The following SEMA3D variants were observed in gnomAD, a reference collection of about 807,000 sequenced individuals.
SEMA3D encodes semaphorin-3D.
Under a neutral mutation model 100.1 loss-of-function variants are expected in SEMA3D, and 84 were observed. The observed-to-expected ratio is 0.84, with a 90% confidence interval of 0.70 to 1.01. The LOEUF is 1.01. Ranked by LOEUF, SEMA3D falls within the 50% of genes least tolerant of loss-of-function variation. SEMA3D has a pLI of 0.00. For missense variants in SEMA3D, 875 were observed against 934.1 expected (o/e 0.94, Z 0.82); for synonymous variants, 312 against 320.7 (o/e 0.97, Z 0.29).
At chr7:85,147,421 A>G (rs1275327374) in intron 2 of SEMA3D, among the ~76,000 whole-genome samples, 4 of 152,138 alleles carry the variant, frequency 2.6e-5, no homozygotes, top group African/African-American at 7.2e-5. Flanking sequence ...AAGTGCTGGG[A>G]TTACAGGCTT....
intron 1 of SEMA3D, chr7:85,167,438 A>G (rs1790936889): frequency 2.1e-6 from 2 of 953,938 alleles, no homozygotes; most frequent in African/African-American, 1.8e-5. Flanking sequence ...GATATAATTT[A>G]CTGTGAAGCT....
At chr7:85,141,970 TA>T (rs1416392981) in intron 2 of SEMA3D, 7 of 982,136 alleles carry the variant, frequency 7.1e-6, no homozygotes, top group Non-Finnish European at 8.5e-6. Flanking sequence ...GAAAAAGAGT[TA>T]AAAAATGCAT....
At chr7:85,076,370 A>ATAT (rs917405524) in intron 5 of SEMA3D, among the ~76,000 whole-genome samples, 2 of 152,232 alleles carry the variant, frequency 1.3e-5, no homozygotes, top group African/African-American at 4.8e-5. Context: ...ATTCATACAT[A>ATAT]TATAAATAAC....
chr7:85,108,760 A>G (rs532997222), intron 3 of SEMA3D, among the ~76,000 whole-genome samples: 1 of 151,978 alleles, frequency 6.6e-6, no homozygotes, highest in East Asian at 1.9e-4. Context: ...TGGCCACAGT[A>G]TTTTTTTCTG....
At chr7:85,250,207 G>C in the SEMA3D span, among the ~76,000 whole-genome samples, 1 of 150,834 alleles carries the variant, frequency 6.6e-6, no homozygotes, top group Non-Finnish European at 1.5e-5. Flanking sequence ...CACCTGGCTC[G>C]GAGGGTCCTA....
intron 3 of SEMA3D, among the ~76,000 whole-genome samples, chr7:85,110,756 T>A (rs1303541290): frequency 6.6e-6 from 1 of 152,080 alleles, no homozygotes; most frequent in African/African-American, 2.4e-5. Flanking sequence ...AATATGCTGT[T>A]ATTTCTTGCA....
intron 1 of SEMA3D, among the ~76,000 whole-genome samples, chr7:85,180,304 A>C (rs1177959420): frequency 6.6e-6 from 1 of 152,128 alleles, no homozygotes; most frequent in Non-Finnish European, 1.5e-5. Flanking sequence ...TGCCATGTGA[A>C]GAAGGACATG....
chr7:85,015,962 T>C (rs1388940386), intron 15 of SEMA3D, among the ~76,000 whole-genome samples: 1 of 151,650 alleles, frequency 6.6e-6, no homozygotes, highest in Non-Finnish European at 1.5e-5. Context: ...CATGGTCCAC[T>C]CTAGTGGACC....
chr7:85,144,437 C>T (rs1201354963), intron 2 of SEMA3D: 1 of 976,680 alleles, frequency 1.0e-6, no homozygotes, highest in African/African-American at 1.8e-5. Flanking sequence ...TACCCACACA[C>T]TTCATCCTCT....
upstream of SEMA3D, among the ~76,000 whole-genome samples, chr7:85,187,413 C>G (rs755238249): frequency 6.6e-6 from 1 of 152,166 alleles, no homozygotes; most frequent in Non-Finnish European, 1.5e-5. Flanking sequence ...GCTAATCCCA[C>G]AAAACAGTAC....
intron 9 of SEMA3D, among the ~76,000 whole-genome samples, chr7:85,052,393 T>C (rs888415302): frequency 2.0e-5 from 3 of 151,876 alleles, no homozygotes; most frequent in African/African-American, 7.2e-5. Flanking sequence ...AAGTCATTGC[T>C]CCCCAGACAC....
the SEMA3D span, among the ~76,000 whole-genome samples, chr7:85,206,149 C>T: frequency 5.3e-5 from 8 of 152,186 alleles, no homozygotes; most frequent in East Asian, 9.7e-4. Context: ...GGGGCATAGC[C>T]TTCTTCCACC....
At chr7:85,008,899 G>T (rs977890746) in intron 17 of SEMA3D, among the ~76,000 whole-genome samples, 2 of 151,666 alleles carry the variant, frequency 1.3e-5, no homozygotes, top group African/African-American at 4.8e-5. Flanking sequence ...TTACCTGAAG[G>T]CTATGCGTAT....
intron 18 of SEMA3D, among the ~76,000 whole-genome samples, chr7:85,005,735 C>G (rs538844131): frequency 6.6e-6 from 1 of 151,864 alleles, no homozygotes; most frequent in African/African-American, 2.4e-5. Flanking sequence ...CATCTCTGAC[C>G]TCTACCCAGT....
chr7:85,056,857 T>G, intron 8 of SEMA3D, among the ~76,000 whole-genome samples: 1 of 144,846 alleles, frequency 6.9e-6, no homozygotes, highest in East Asian at 2.0e-4. Flanking sequence ...CTCATTGATG[T>G]CATACTGAAA....
At chr7:85,070,451 G>T (rs541987019) in intron 6 of SEMA3D, among the ~76,000 whole-genome samples, 2 of 152,102 alleles carry the variant, frequency 1.3e-5, no homozygotes, top group East Asian at 3.9e-4. Flanking sequence ...ACCTTTTTCC[G>T]CTCCTTTTGT....
rs1397329098 is a variant in SEMA3D at position 85,153,602 on chromosome 7, G to A, written c.-41+6C>T. The A allele has an allele frequency of 6.6e-6, 1 of 151,632 alleles. No homozygotes were observed. Among genetic ancestry groups the A allele is most frequent in the Admixed American group, 6.6e-5 (1 of 15,176 alleles). The allele number at this position is 151,632 out of a possible 1,614,324, so 9.4% of individuals were successfully genotyped here. ...CTATTGAGGTTTATTTAAGAGATTG[G>A]CTCACATAATTATTGAGGCTGATGA... is the stretch of plus-strand genomic sequence containing the variant. On this transcript the variant is annotated splice_donor_region_variant and intron_variant, in intron 2 of 18. Coordinates refer to ENST00000284136, the MANE Select transcript of SEMA3D (RefSeq NM_001384900.1).
intron 17 of SEMA3D, among the ~76,000 whole-genome samples, chr7:85,008,987 A>C (rs1789877663): frequency 6.6e-6 from 1 of 151,780 alleles, no homozygotes; most frequent in South Asian, 2.1e-4. Flanking sequence ...TGTATATGCA[A>C]ATATTCCAAA....
chr7:85,096,287 T>C (rs1446268705), intron 4 of SEMA3D, among the ~76,000 whole-genome samples: 1 of 151,798 alleles, frequency 6.6e-6, no homozygotes, highest in Non-Finnish European at 1.5e-5. Flanking sequence ...AAGAAAAAAA[T>C]ACAGCCTTAA....
Sources: allele counts gnomAD v4.1 joint callset (sites outside exome capture counted in the v4.1 genomes callset), GRCh38; gene constraint gnomAD v4.1.1; transcripts MANE v1.5; gene names NCBI Gene and HGNC (gene_info 2026-07-23, HGNC 2026-07-21).